Variants in NAALADL2 observed in about 807,000 individuals in gnomAD.
The protein encoded by NAALADL2 is inactive N-acetylated-alpha-linked acidic dipeptidase-like protein 2.
NAALADL2 carries 76 observed loss-of-function variants against 87.2 expected under a neutral mutation model. The ratio of observed to expected loss-of-function variants is 0.87; its 90% CI spans 0.72 to 1.05. NAALADL2 has a LOEUF of 1.05. Among genes scored for constraint, NAALADL2 ranks in the 50% least tolerant of loss-of-function variants. The probability of loss-of-function intolerance (pLI) is 0.00; values close to 1 mark genes in which losing one functional copy is unlikely to be tolerated. For synonymous variants in NAALADL2, 354 were observed against 331.0 expected (o/e 1.07, Z -0.75); for missense variants, 1,089 against 945.8 (o/e 1.15, Z -1.99).
intron 2 of NAALADL2, among the ~76,000 whole-genome samples, chr3:174,673,139 C>T (rs545920889): frequency 1.3e-5 from 2 of 152,006 alleles, no homozygotes; most frequent in Non-Finnish European, 2.9e-5. Flanking sequence ...CAATGGAATA[C>T]TTTCAGCTGG....
At chr3:174,916,686 T>A (rs1734455210) in intron 1 of NAALADL2, among the ~76,000 whole-genome samples, 2 of 151,572 alleles carry the variant, frequency 1.3e-5, no homozygotes, top group South Asian at 2.1e-4. Flanking sequence ...GGCATAAGAG[T>A]GATATAATGG....
At chr3:174,994,532 C>A (rs1229695890) in intron 1 of NAALADL2, among the ~76,000 whole-genome samples, 12 of 152,072 alleles carry the variant, frequency 7.9e-5, no homozygotes. Flanking sequence ...TTTTTCCCAC[C>A]ACTTAAATTT....
intron 2 of NAALADL2, among the ~76,000 whole-genome samples, chr3:174,582,949 G>C (rs1185823464): frequency 6.6e-6 from 1 of 152,076 alleles, no homozygotes; most frequent in Non-Finnish European, 1.5e-5. Context: ...TATTTTAAGA[G>C]ATGAAAAAGG....
chr3:174,726,750 G>A (rs1221247402), intron 2 of NAALADL2, among the ~76,000 whole-genome samples: 3 of 151,656 alleles, frequency 2.0e-5, no homozygotes, highest in Non-Finnish European at 2.9e-5. Flanking sequence ...TCAGGATTTC[G>A]TGTTCTCAGT....
At position 175,739,156 on chromosome 3, in the gene NAALADL2, A is replaced by C. The variant is rs190759098; in HGVS notation, c.1990+1757A>C. 7.7e-4 allele frequency among the ~76,000 whole-genome samples: 118 copies of C among 152,336 alleles called. 1 individual carries two copies. Among genetic ancestry groups the C allele is most frequent in the African/African-American group, 2.7e-3 (114 of 41,584 alleles). ...CAAAATGCTAACATTATATAATAGAATTATAAATGATAGGTTGCTTTCCTG... is the reference window on the plus strand; with the variant it reads ...CAAAATGCTAACATTATATAATAGACTTATAAATGATAGGTTGCTTTCCTG... On this transcript the variant is annotated intron_variant, in intron 12 of 13. Transcript: ENST00000454872.
intron 2 of NAALADL2, among the ~76,000 whole-genome samples, chr3:175,232,651 C>T (rs542032419): frequency 2.0e-5 from 3 of 152,246 alleles, no homozygotes; most frequent in East Asian, 1.9e-4. Context: ...TCAGAGCTGT[C>T]GTGGGGCCAT....
At chr3:175,187,830 T>C (rs1230300797) in intron 2 of NAALADL2, among the ~76,000 whole-genome samples, 2 of 152,180 alleles carry the variant, frequency 1.3e-5, no homozygotes, top group East Asian at 1.9e-4. Context: ...GAAGTGACTA[T>C]AAAAATGAGT....
intron 2 of NAALADL2, among the ~76,000 whole-genome samples, chr3:175,158,594 T>C (rs1354675452): frequency 6.6e-6 from 1 of 152,124 alleles, no homozygotes; most frequent in Admixed American, 6.6e-5. Context: ...AGGGATGATA[T>C]ATTTGGCTTT....
intron 3 of NAALADL2, among the ~76,000 whole-genome samples, chr3:174,815,043 G>A (rs999882531): frequency 3.3e-5 from 5 of 152,134 alleles, no homozygotes; most frequent in African/African-American, 1.2e-4. Flanking sequence ...GCAAAACTGA[G>A]TTTTCTTTAG....
At chr3:175,176,874 G>A (rs549491063) in intron 2 of NAALADL2, among the ~76,000 whole-genome samples, 45 of 151,974 alleles carry the variant, frequency 3.0e-4, no homozygotes, top group Admixed American at 2.2e-3. Context: ...AATCAGTGTC[G>A]CATTTCTGAC....
chr3:175,112,716 T>C (rs1478718662), intron 2 of NAALADL2: 1 of 151,740 alleles, frequency 6.6e-6, no homozygotes, highest in Non-Finnish European at 1.5e-5. Context: ...TTCTATTACA[T>C]GTAAAATTTA....
intron 1 of NAALADL2, among the ~76,000 whole-genome samples, chr3:175,017,428 A>C (rs1339611856): frequency 6.6e-6 from 1 of 152,112 alleles, no homozygotes; most frequent in Non-Finnish European, 1.5e-5. Context: ...GAATCTGTCC[A>C]GCCAATTCTG....
At chr3:174,636,188 C>T (rs907899423) in intron 2 of NAALADL2, among the ~76,000 whole-genome samples, 5 of 152,046 alleles carry the variant, frequency 3.3e-5, no homozygotes, top group Non-Finnish European at 7.4e-5. Flanking sequence ...AAAATCAACT[C>T]GAGATGTATT....
chr3:175,647,957 G>T lies in NAALADL2; in HGVS notation c.1896+20571G>T, dbSNP rs150661995. Among the ~76,000 whole-genome samples the T allele has an allele frequency of 6.0e-3, 911 of 152,302 alleles. 9 individuals are homozygous for T. The highest frequency in any genetic ancestry group is 0.021 in the African/African-American group (872 of 41,568). Reference sequence around the variant, plus strand: ...TACTTTACAAGGTTGATTTGGTCTAGATCTGGGGTACCCCCAGTAGATCTT... The same window carrying T: ...TACTTTACAAGGTTGATTTGGTCTATATCTGGGGTACCCCCAGTAGATCTT... On this transcript the variant is annotated intron_variant, in intron 11 of 13. Coordinates refer to ENST00000454872, the MANE Select transcript of NAALADL2 (RefSeq NM_207015.3).
At chr3:174,561,108 A>G (rs1385514650) in intron 2 of NAALADL2, among the ~76,000 whole-genome samples, 1 of 152,062 alleles carries the variant, frequency 6.6e-6, no homozygotes, top group East Asian at 1.9e-4. Flanking sequence ...CGGTAAATTT[A>G]TAACCCAAGA....
At chr3:175,015,465 C>CT (rs939305777) in intron 1 of NAALADL2, among the ~76,000 whole-genome samples, 1 of 151,882 alleles carries the variant, frequency 6.6e-6, no homozygotes, top group Non-Finnish European at 1.5e-5. Context: ...TTAGGACTGA[C>CT]TTTTTTTTAT....
At chr3:174,583,413 C>A (rs1035045231) in intron 2 of NAALADL2, among the ~76,000 whole-genome samples, 3 of 152,016 alleles carry the variant, frequency 2.0e-5, no homozygotes, top group Non-Finnish European at 2.9e-5. Context: ...TTTAGTTAAC[C>A]CAAAAAGTAA....
rs529376619 is a variant in NAALADL2 at position 175,722,309 on chromosome 3, C to T, written c.1897-14997C>T. On this transcript the variant is annotated intron_variant, in intron 11 of 13. Coordinates refer to ENST00000454872, the MANE Select transcript of NAALADL2 (RefSeq NM_207015.3). The stretch of plus-strand genomic sequence containing the variant: ...ATGTATATTTAAGTTATATATTTCA[C>T]AAGTATGTATTGTGTAGCAATTAAT... Among the ~76,000 whole-genome samples the T allele has an allele frequency of 4.4e-4, 67 of 152,148 alleles. No homozygotes were observed. In the South Asian group the frequency reaches 8.9e-3, roughly 20 times the overall value.
intron 5 of NAALADL2, among the ~76,000 whole-genome samples, chr3:175,331,173 A>G (rs1662250437): frequency 7.6e-6 from 1 of 131,562 alleles, no homozygotes; most frequent in Admixed American, 8.1e-5. Context: ...CAACAACAAC[A>G]AAAAAACCTA....
Sources: allele counts gnomAD v4.1 joint callset (sites outside exome capture counted in the v4.1 genomes callset), GRCh38; gene constraint gnomAD v4.1.1; transcripts MANE v1.5; gene names NCBI Gene and HGNC (gene_info 2026-07-23, HGNC 2026-07-21).